The following KCTD12 variants were observed in gnomAD, a reference collection of about 807,000 sequenced individuals.
The protein encoded by KCTD12 is potassium channel tetramerization domain containing 12.
A neutral mutation model predicts 22.6 loss-of-function variants in KCTD12; 16 were observed. That is an observed-to-expected ratio of 0.71 (90% CI 0.48 to 1.07). The LOEUF is 1.07. Ranked by LOEUF, KCTD12 falls within the 50% of genes least tolerant of loss-of-function variation. The pLI, the probability that KCTD12 is intolerant of heterozygous loss-of-function variation, is 0.00. For missense variants in KCTD12, 452 were observed against 469.2 expected (o/e 0.96, Z 0.34); for synonymous variants, 260 against 228.0 (o/e 1.14, Z -1.26).
Position 76,885,917 on chromosome 13 carries a change from C to G in KCTD12, c.232G>C (p.Gly78Arg). ...QPQELARDSK[G>R]RFFLDRDGFL... is the part of the protein sequence containing the mutation. The stretch of plus-strand genomic sequence containing the variant: ...CCGTCCCGGTCCAGAAAGAAGCGGC[C>G]TTTGCTGTCCCGGGCCAGCTCCTGC... Residue 78 changes from glycine to arginine, a missense_variant, in exon 1 of 1, where the codon GGC becomes CGC. Gly to Arg is a moderately radical substitution (Grantham distance 125, BLOSUM62 -2). This residue lies in a region of KCTD12 where 330 missense variants were observed against 296.5 expected (regional missense o/e 1.11). Coordinates refer to ENST00000377474, the MANE Select transcript of KCTD12 (RefSeq NM_138444.4). The surrounding 1 kb of genome is among the most constrained non-coding windows in gnomAD (Gnocchi z 5.1). 6.3e-7 allele frequency: 1 copy of G among 1,595,970 alleles called. No homozygotes were observed.
Position 76,881,493 on chromosome 13 carries a change from T to G in KCTD12, c.*3678A>C, listed in dbSNP as rs2033202223. On this transcript the variant is annotated 3_prime_UTR_variant, in exon 1 of 1. Coordinates refer to ENST00000377474, the MANE Select transcript of KCTD12 (RefSeq NM_138444.4). ...TTCCATCGAAAATTCCAATAAAAATTGGAATATATTATGAGCACTGCCAAT... is the reference window on the plus strand; with the variant it reads ...TTCCATCGAAAATTCCAATAAAAATGGGAATATATTATGAGCACTGCCAAT... The G allele has an allele frequency of 6.6e-6, 1 of 152,588 alleles. No individual in the cohort carries two copies. Among genetic ancestry groups the G allele is most frequent in the African/African-American group, 2.4e-5 (1 of 41,432 alleles). 9.5% of individuals were successfully genotyped at this position (152,588 alleles called of 1,614,324 possible). A position where few individuals can be genotyped will look rare whatever the true frequency, so the allele number is the denominator to read the frequency against.
Position 76,885,306 on chromosome 13 carries a change from G to A in KCTD12, c.843C>T (p.Phe281=), listed in dbSNP as rs1161863311. 1.2e-6 allele frequency: 2 copies of A among 1,613,860 alleles called. No individual in the cohort carries two copies. The highest frequency in any genetic ancestry group is 2.7e-5 in the African/African-American group (2 of 74,928). Residue 281 remains phenylalanine (F), a synonymous_variant, in exon 1 of 1, where the codon TTC becomes TTT. Transcript: ENST00000377474. This position sits in a 1 kb window ranked among gnomAD's most constrained non-coding sequence, Gnocchi z 5.1. ...YLKFNFLEQA[F]DKLSESGFHM... ...GGAAGCCCGACTCGGACAGCTTGTC[G>A]AAGGCCTGCTCCAGGAAGTTGAACT...
chr13:76,886,270 G>A lies in KCTD12; in HGVS notation c.-122C>T, dbSNP rs555597920. The stretch of plus-strand genomic sequence containing the variant: ...CTCAGCCCTGCGCCCCGCCGCCGCC[G>A]CCGCCGCCACCGCCGCCACCGCCAC... On this transcript the variant is annotated 5_prime_UTR_variant, in exon 1 of 1. Coordinates refer to ENST00000377474, the MANE Select transcript of KCTD12 (RefSeq NM_138444.4). 1.3e-4 allele frequency: 148 copies of A among 1,162,366 alleles called. No individual in the cohort carries two copies. The East Asian group carries it at 3.0e-3, about 23-fold the overall frequency. 72.0% of individuals were successfully genotyped at this position (1,162,366 alleles called of 1,614,324 possible). A position where few individuals can be genotyped will look rare whatever the true frequency, so the allele number is the denominator to read the frequency against.
rs574552623 is a variant in KCTD12, at chr13:76,883,819, C to T, written c.*1352G>A. On this transcript the variant is annotated 3_prime_UTR_variant, in exon 1 of 1. Transcript: ENST00000377474. ...AATAAGTGATCTTAGGTCTAAGTAA[C>T]CAAAATGAAACTTCTTTTGCGCAAT... is the stretch of plus-strand genomic sequence containing the variant. 3.3e-5 allele frequency: 5 copies of T among 152,636 alleles called. No individual in the cohort carries two copies. The South Asian group carries it at 1.0e-3, about 32-fold the overall frequency. The allele number at this position is 152,636 out of a possible 1,614,324, so 9.5% of individuals were successfully genotyped here. A position where few individuals can be genotyped will look rare whatever the true frequency, so the allele number is the denominator to read the frequency against.
In KCTD12 at chr13:76,880,961, T is replaced by C. The variant is rs774914857; in HGVS notation, c.*4210A>G. The C allele has an allele frequency of 2.6e-5, 4 of 152,242 alleles. No homozygotes were observed. Among genetic ancestry groups the C allele is most frequent in the African/African-American group, 9.6e-5 (4 of 41,464 alleles). 9.4% of individuals were successfully genotyped at this position (152,242 alleles called of 1,614,324 possible). On this transcript the variant is annotated 3_prime_UTR_variant, in exon 1 of 1. Transcript: ENST00000377474. ...TCCAACCAAGTTTGAAGGGCCCCAG[T>C]AGAAAATCAAGTGTTAATACTTTCA...
In KCTD12 at chr13:76,885,135, G is replaced by A. The variant is rs1476771256; in HGVS notation, c.*36C>T. The A allele has an allele frequency of 7.5e-6, 12 of 1,592,604 alleles. No homozygotes were observed. Among genetic ancestry groups the A allele is most frequent in the Non-Finnish European group, 1.0e-5 (12 of 1,167,476 alleles). On this transcript the variant is annotated 3_prime_UTR_variant, in exon 1 of 1. Coordinates refer to ENST00000377474, the MANE Select transcript of KCTD12 (RefSeq NM_138444.4). The surrounding 1 kb of genome is among the most constrained non-coding windows in gnomAD (Gnocchi z 5.1). ...GTAATCATCTCTCGGGCAGGAGAAG[G>A]ACTGGGCGCTGGAGTGGCGAGGGGG...
chr13:76,885,060 G>C lies in KCTD12; in HGVS notation c.*111C>G. The stretch of plus-strand genomic sequence containing the variant: ...GTCTCACCCAGCTACTACTGGAGGG[G>C]GAGAATGGGAGGGCAGCAGCCAGGG... On this transcript the variant is annotated 3_prime_UTR_variant, in exon 1 of 1. Transcript: ENST00000377474. This position sits in a 1 kb window ranked among gnomAD's most constrained non-coding sequence, Gnocchi z 5.1. The C allele has an allele frequency of 8.1e-7, 1 of 1,234,412 alleles. No homozygotes were observed. The highest frequency in any genetic ancestry group is 1.5e-5 in the South Asian group (1 of 67,598). 76.5% of individuals were successfully genotyped at this position (1,234,412 alleles called of 1,614,324 possible).
chr13:76,884,371 T>A lies in KCTD12; in HGVS notation c.*800A>T, dbSNP rs1284503618. 6.6e-6 allele frequency: 1 copy of A among 152,204 alleles called. No homozygotes were observed. The highest frequency in any genetic ancestry group is 1.5e-5 in the Non-Finnish European group (1 of 68,048). 9.4% of individuals were successfully genotyped at this position (152,204 alleles called of 1,614,324 possible). A position where few individuals can be genotyped will look rare whatever the true frequency, so the allele number is the denominator to read the frequency against. ...GTCCTTTCTCCCTCTTGCCAGTAAC[T>A]GCTGCCATGTCAACCAGTGGAATCA... is the stretch of plus-strand genomic sequence containing the variant. On this transcript the variant is annotated 3_prime_UTR_variant, in exon 1 of 1. Transcript: ENST00000377474.
rs527308759 is a variant in KCTD12, at chr13:76,880,354, A to C, written c.*4817T>G. 7 of 152,736 alleles carry C rather than the reference A, an allele frequency of 4.6e-5. No homozygotes were observed. The South Asian group carries it at 1.4e-3, about 32-fold the overall frequency. 9.5% of individuals were successfully genotyped at this position (152,736 alleles called of 1,614,324 possible). A position where few individuals can be genotyped will look rare whatever the true frequency, so the allele number is the denominator to read the frequency against. On this transcript the variant is annotated 3_prime_UTR_variant, in exon 1 of 1. Coordinates refer to ENST00000377474, the MANE Select transcript of KCTD12 (RefSeq NM_138444.4). ...GCATTAGATGGTTGAAGAAATTCTCAAAGTTTGGGCATGTCTGAAAAGACT... is the reference window on the plus strand; with the variant it reads ...GCATTAGATGGTTGAAGAAATTCTCCAAGTTTGGGCATGTCTGAAAAGACT...
At position 76,885,230 on chromosome 13, in the gene KCTD12, C is replaced by T; in HGVS notation, c.919G>A (p.Asp307Asn). The T allele has an allele frequency of 6.2e-7, 1 of 1,614,040 alleles. No homozygotes were observed. Among genetic ancestry groups the T allele is most frequent in the Non-Finnish European group, 8.5e-7 (1 of 1,180,036 alleles). Residue 307 changes from aspartate to asparagine, a missense_variant, in exon 1 of 1, where the codon GAC becomes AAC. By Grantham distance (23) the Asp-to-Asn change is conservative. Coordinates refer to ENST00000377474, the MANE Select transcript of KCTD12 (RefSeq NM_138444.4). The surrounding 1 kb of genome is among the most constrained non-coding windows in gnomAD (Gnocchi z 5.1). ...TGTCAFASST[D>N]QSEDKIWTSY... is the part of the protein sequence containing the mutation. ...GTCCAGATCTTGTCCTCGCTCTGGT[C>T]GGTGCTGCTGGCAAAGGCGCAGGTG...
In KCTD12 at chr13:76,885,825, G is replaced by C. The variant is rs776978631; in HGVS notation, c.324C>G (p.Pro108=). The C allele has an allele frequency of 1.3e-6, 2 of 1,594,574 alleles. No homozygotes were observed. The highest frequency in any genetic ancestry group is 1.7e-5 in the Admixed American group (1 of 59,550). The stretch of plus-strand genomic sequence containing the variant: ...CCTCGCGCTGCAGCCGGCTGCGCTC[G>C]GGGAAGTAGTCGGGCAGCACGAGCT... The part of the protein sequence containing the change: ...DLQLVLPDYF[P]ERSRLQREAE... Residue 108 remains proline, a synonymous_variant, in exon 1 of 1, where the codon CCC becomes CCG. Transcript: ENST00000377474. This position sits in a 1 kb window ranked among gnomAD's most constrained non-coding sequence, Gnocchi z 5.1.
In KCTD12 at chr13:76,886,258, CCCG is replaced by C. The variant is rs879633611; in HGVS notation, c.-113_-111del. ...CCCGGACGCTCGCTCAGCCCTGCGC[CCCG>C]CCGCCGCCGCCGCCGCCACCGCCGC... On this transcript the variant is annotated 5_prime_UTR_variant, in exon 1 of 1. Transcript: ENST00000377474. 6.3e-3 allele frequency: 7,415 copies of C among 1,168,008 alleles called. 19 individuals are homozygous for C. The highest frequency in any genetic ancestry group is 0.024 in the African/African-American group (1,386 of 58,464). 72.4% of individuals were successfully genotyped at this position (1,168,008 alleles called of 1,614,324 possible). A position where few individuals can be genotyped will look rare whatever the true frequency, so the allele number is the denominator to read the frequency against.
At position 76,885,963 on chromosome 13, in the gene KCTD12, G is replaced by A. The variant is rs1046916255; in HGVS notation, c.186C>T (p.Arg62=). ...CCTGCGGCTGCTGCTGCGTGAACATGCGCCAGAGCAGCGAGTCGGGCACCG... is the reference window on the plus strand; with the variant it reads ...CCTGCGGCTGCTGCTGCGTGAACATACGCCAGAGCAGCGAGTCGGGCACCG... ...VVSVPDSLLW[R]MFTQQQPQEL... The change falls in exon 1 of 1, where the codon CGC becomes CGT. Residue 62 remains arginine, a synonymous_variant. Transcript: ENST00000377474. This position sits in a 1 kb window ranked among gnomAD's most constrained non-coding sequence, Gnocchi z 5.1. 2.5e-6 allele frequency: 4 copies of A among 1,589,690 alleles called. No individual in the cohort carries two copies. Among genetic ancestry groups the A allele is most frequent in the Non-Finnish European group, 3.4e-6 (4 of 1,175,396 alleles).
Position 76,886,009 on chromosome 13 carries a change from G to A in KCTD12, c.140C>T (p.Thr47Ile). 1 of 1,591,504 alleles carries A rather than the reference G, an allele frequency of 6.3e-7. No individual in the cohort carries two copies. Among genetic ancestry groups the A allele is most frequent in the Non-Finnish European group, 8.5e-7 (1 of 1,173,862 alleles). ...CACCGACACCACCGTGCAGCGCCGG[G>A]TCACGTACACCTGGCCCCCCACGTT... ...ELNVGGQVYV[T>I]RRCTVVSVPD... Residue 47 changes from threonine (T) to isoleucine (I), a missense_variant, in exon 1 of 1, where the codon ACC becomes ATC. By Grantham distance (89) the Thr-to-Ile change is moderately conservative (BLOSUM62 -1). This residue lies in a region of KCTD12 where 330 missense variants were observed against 296.5 expected (regional missense o/e 1.11). Coordinates refer to ENST00000377474, the MANE Select transcript of KCTD12 (RefSeq NM_138444.4).
rs2033245920 is a variant in KCTD12, at chr13:76,884,974, C to T, written c.*197G>A. ...CTCGGTTCAGGAGGTCCAAAGAAGA[C>T]GAAGCAGCCCAGAGGATTTGCGGCT... On this transcript the variant is annotated 3_prime_UTR_variant, in exon 1 of 1. Transcript: ENST00000377474. 5 of 613,198 alleles carry T rather than the reference C, an allele frequency of 8.2e-6. No homozygotes were observed. In the South Asian group the frequency reaches 8.5e-5, roughly 10 times the overall value. 38.0% of individuals were successfully genotyped at this position (613,198 alleles called of 1,614,324 possible). A position where few individuals can be genotyped will look rare whatever the true frequency, so the allele number is the denominator to read the frequency against.
In KCTD12 at chr13:76,883,010, T is replaced by C. The variant is rs561575004; in HGVS notation, c.*2161A>G. The C allele has an allele frequency of 6.6e-6, 1 of 152,286 alleles. No individual in the cohort carries two copies. Among genetic ancestry groups the C allele is most frequent in the East Asian group, 1.9e-4 (1 of 5,192 alleles). The allele number at this position is 152,286 out of a possible 1,614,324, so 9.4% of individuals were successfully genotyped here. A position where few individuals can be genotyped will look rare whatever the true frequency, so the allele number is the denominator to read the frequency against. On this transcript the variant is annotated 3_prime_UTR_variant, in exon 1 of 1. Coordinates refer to ENST00000377474, the MANE Select transcript of KCTD12 (RefSeq NM_138444.4). The stretch of plus-strand genomic sequence containing the variant: ...AAAAAGTATAATACAGCAAACTCAG[T>C]TTTACAATTATGTATTTTTTCCTAA...
At position 76,882,733 on chromosome 13, in the gene KCTD12, G is replaced by C. The variant is rs547228637; in HGVS notation, c.*2438C>G. ...AGGCTTCAAACAGATGAATTCTGAT[G>C]CATTACTTAGTCTGAGACCAAACTC... On this transcript the variant is annotated 3_prime_UTR_variant, in exon 1 of 1. Transcript: ENST00000377474. 1 of 149,748 alleles carries C rather than the reference G, an allele frequency of 6.7e-6. No individual in the cohort carries two copies. The highest frequency in any genetic ancestry group is 2.5e-5 in the African/African-American group (1 of 39,516). 9.3% of individuals were successfully genotyped at this position (149,748 alleles called of 1,614,324 possible). A position where few individuals can be genotyped will look rare whatever the true frequency, so the allele number is the denominator to read the frequency against.
Position 76,886,132 on chromosome 13 carries a change from C to T in KCTD12, c.17G>A (p.Ser6Asn). 1 of 1,524,136 alleles carries T rather than the reference C, an allele frequency of 6.6e-7. No homozygotes were observed. Among genetic ancestry groups the T allele is most frequent in the African/African-American group, 1.4e-5 (1 of 72,074 alleles). The allele number at this position is 1,524,136 out of a possible 1,614,324, so 94.4% of individuals were successfully genotyped here. A position where few individuals can be genotyped will look rare whatever the true frequency, so the allele number is the denominator to read the frequency against. The change falls in exon 1 of 1, where the codon AGC (serine) becomes AAC (asparagine). Residue 6 changes from serine to asparagine, a missense_variant. By Grantham distance (46) the Ser-to-Asn change is conservative (BLOSUM62 1). Around this residue, in one of 2 missense-constraint regions of KCTD12, gnomAD observed 330 missense variants for 296.5 expected, o/e 1.11. Coordinates refer to ENST00000377474, the MANE Select transcript of KCTD12 (RefSeq NM_138444.4). ...GCCCCCGTTGGGTAATCCACGTGTG[C>T]TGTCCGCCAGAGCCATGACAGAGAG... MALAD[S>N]TRGLPNGGGG...
rs112950347 is a variant in KCTD12 at position 76,886,285 on chromosome 13, G to A, written c.-137C>T. 790 of 1,012,558 alleles carry A rather than the reference G, an allele frequency of 7.8e-4. 1 individual carries two copies. The highest frequency in any genetic ancestry group is 4.4e-3 in the African/African-American group (244 of 55,244). 62.7% of individuals were successfully genotyped at this position (1,012,558 alleles called of 1,614,324 possible). A position where few individuals can be genotyped will look rare whatever the true frequency, so the allele number is the denominator to read the frequency against. The stretch of plus-strand genomic sequence containing the variant: ...CGCCGCCGCCGCCGCCGCCACCGCC[G>A]CCACCGCCACCGCCGCCACCTCCTA... On this transcript the variant is annotated 5_prime_UTR_variant, in exon 1 of 1. Transcript: ENST00000377474.
Sources: allele counts gnomAD v4.1 joint callset, GRCh38; gene constraint gnomAD v4.1.1; regional missense constraint gnomAD v4.1.1; non-coding constraint Gnocchi (gnomAD v3.1); transcripts MANE v1.5; gene names NCBI Gene and HGNC (gene_info 2026-07-23, HGNC 2026-07-21).